Variants in TPRX1 observed in about 807,000 individuals in gnomAD.
TPRX1 encodes the protein tetra-peptide repeat homeobox protein 1.
A neutral mutation model predicts 8.1 loss-of-function variants in TPRX1; 2 were observed. That is an observed-to-expected ratio of 0.25 (90% confidence interval 0.10 to 0.78). The LOEUF (loss-of-function observed/expected upper bound fraction) is 0.78. TPRX1 is among the 30% of genes least tolerant of loss of function. The probability of loss-of-function intolerance (pLI) is 0.70; values close to 1 mark genes in which losing one functional copy is unlikely to be tolerated. For missense variants in TPRX1, 517 were observed against 586.9 expected (o/e 0.88, Z 1.23); for synonymous variants, 257 against 254.1 (o/e 1.01, Z -0.11).
intron 2 of TPRX1, among the ~76,000 whole-genome samples, chr19:47,813,163 C>G (rs946051428): frequency 1.5e-5 from 2 of 136,150 alleles, no homozygotes; most frequent in Non-Finnish European, 1.6e-5. Flanking sequence ...AACAACCCCC[C>G]CCACCCCGCC....
At chr19:47,813,321 C>A (rs1967802130) in intron 2 of TPRX1, among the ~76,000 whole-genome samples, 1 of 151,712 alleles carries the variant, frequency 6.6e-6, no homozygotes, top group Non-Finnish European at 1.5e-5. Flanking sequence ...GGGTGAGACC[C>A]TGTCTCAACA....
chr19:47,813,827 C>A (rs1233224337), intron 2 of TPRX1, among the ~76,000 whole-genome samples: 1 of 151,804 alleles, frequency 6.6e-6, no homozygotes, highest in Non-Finnish European at 1.5e-5. Flanking sequence ...GGAACATTTG[C>A]TAAATGGGAC....
intron 2 of TPRX1, among the ~76,000 whole-genome samples, chr19:47,812,292 G>T (rs536791601): frequency 6.6e-6 from 1 of 151,964 alleles, no homozygotes; most frequent in Non-Finnish European, 1.5e-5. Context: ...GAAGGCAGGC[G>T]TTACTCAAAG....
exon 4 of TPRX1, chr19:47,802,297 C>G (rs371001974): frequency 1.6e-6 from 2 of 1,267,956 alleles, no homozygotes; most frequent in Non-Finnish European, 1.1e-6. Context: ...GGCCTGGGAT[C>G]GGGCCTGGGT....
chr19:47,802,923 G>A, exon 4 of TPRX1: 1 of 1,550,366 alleles, frequency 6.5e-7, no homozygotes, highest in Non-Finnish European at 8.7e-7. Flanking sequence ...ACGCGCTGGG[G>A]CTGCTGCTGG....
chr19:47,816,761 T>C (rs1967846855), intron 2 of TPRX1, among the ~76,000 whole-genome samples: 1 of 151,498 alleles, frequency 6.6e-6, no homozygotes, highest in Admixed American at 6.6e-5. Context: ...CTCGATCTCC[T>C]GACCTCGTGA....
chr19:47,808,320 G>A (rs1452555898), intron 2 of TPRX1, among the ~76,000 whole-genome samples: 1 of 152,042 alleles, frequency 6.6e-6, no homozygotes, highest in East Asian at 1.9e-4. Context: ...TCACTGTGTT[G>A]TCCAGGCTGG....
chr19:47,804,228 T>C (rs1413271051), intron 2 of TPRX1, among the ~76,000 whole-genome samples: 1 of 151,160 alleles, frequency 6.6e-6, no homozygotes, highest in Non-Finnish European at 1.5e-5. Context: ...GTAATTTTTG[T>C]ATTTTTGCTA....
chr19:47,814,157 A>T (rs1967810577), intron 2 of TPRX1, among the ~76,000 whole-genome samples: 1 of 151,760 alleles, frequency 6.6e-6, no homozygotes, highest in Non-Finnish European at 1.5e-5. Flanking sequence ...CCTGGGTTCA[A>T]AGGATTCTCC....
chr19:47,813,260 G>A (rs959915374), intron 2 of TPRX1, among the ~76,000 whole-genome samples: 1 of 151,422 alleles, frequency 6.6e-6, no homozygotes, highest in Non-Finnish European at 1.5e-5. Context: ...CTGGGAGGTT[G>A]AGGCTGCAAT....
chr19:47,806,353 T>C (rs1967735170), intron 2 of TPRX1, among the ~76,000 whole-genome samples: 1 of 152,020 alleles, frequency 6.6e-6, no homozygotes, highest in African/African-American at 2.4e-5. Context: ...AATCCGTCTC[T>C]ACTAAAAATA....
intron 2 of TPRX1, among the ~76,000 whole-genome samples, chr19:47,815,114 T>TTTTATATATATATA (rs1555799970): frequency 1.6e-5 from 1 of 63,390 alleles, no homozygotes; most frequent in African/African-American, 6.9e-5. Context: ...AATAGATAAA[T>TTTTATATATATATA]TATATATATA....
chr19:47,801,455 T>A (rs1967662225), exon 4 of TPRX1: 1 of 261,012 alleles, frequency 3.8e-6, no homozygotes, highest in Non-Finnish European at 7.2e-6. Flanking sequence ...CTCACAATCC[T>A]AAGTGTTGGG....
At chr19:47,808,534 G>T (rs1355558622) in intron 2 of TPRX1, among the ~76,000 whole-genome samples, 1 of 151,936 alleles carries the variant, frequency 6.6e-6, no homozygotes, top group Admixed American at 6.6e-5. Flanking sequence ...CTGCCTCCTG[G>T]GTTCAAGTGA....
intron 2 of TPRX1, among the ~76,000 whole-genome samples, chr19:47,816,740 G>C (rs1287177402): frequency 1.3e-5 from 2 of 151,590 alleles, no homozygotes; most frequent in African/African-American, 4.8e-5. Flanking sequence ...CACCATGTTA[G>C]CCAGGATGGT....
At chr19:47,815,133 TA>T (rs1967824181) in intron 2 of TPRX1, among the ~76,000 whole-genome samples, 2 of 114,014 alleles carry the variant, frequency 1.8e-5, no homozygotes, top group African/African-American at 3.4e-5. Context: ...TATATATATA[TA>T]TATATATATG....
At chr19:47,806,018 A>G (rs1343703617) in intron 2 of TPRX1, among the ~76,000 whole-genome samples, 2 of 151,874 alleles carry the variant, frequency 1.3e-5, no homozygotes, top group Non-Finnish European at 2.9e-5. Context: ...TGAGGTCAGG[A>G]GTTTAAGACC....
chr19:47,805,812 A>G (rs1192006605), intron 2 of TPRX1, among the ~76,000 whole-genome samples: 3 of 152,242 alleles, frequency 2.0e-5, no homozygotes, highest in Non-Finnish European at 4.4e-5. Context: ...GAACAAGCTC[A>G]CTGGTACTAT....
At chr19:47,802,711 A>T (rs1483189273) in exon 4 of TPRX1, 1 of 1,586,552 alleles carries the variant, frequency 6.3e-7, no homozygotes. Context: ...GGATTGGGGC[A>T]GGGATCGGGC....
Sources: allele counts gnomAD v4.1 joint callset (sites outside exome capture counted in the v4.1 genomes callset), GRCh38; gene constraint gnomAD v4.1.1; transcripts MANE v1.5; gene names NCBI Gene and HGNC (gene_info 2026-07-23, HGNC 2026-07-21).